Variants in EPHA5 observed in about 807,000 individuals in gnomAD.
EPHA5 encodes ephrin type-A receptor 5.
EPHA5 carries 60 observed loss-of-function variants against 105.0 expected under a neutral mutation model. The observed-to-expected ratio is 0.57, with a 90% CI of 0.46 to 0.71. The LOEUF is 0.71. Among genes scored for constraint, EPHA5 ranks in the 30% least tolerant of loss-of-function variants. The pLI, the probability that EPHA5 is intolerant of heterozygous loss-of-function variation, is 0.00. For synonymous variants in EPHA5, 513 were observed against 449.1 expected (o/e 1.14, Z -1.80); for missense variants, 1,218 against 1,274.7 (o/e 0.96, Z 0.68).
intron 5 of EPHA5, among the ~76,000 whole-genome samples, chr4:65,426,547 C>G (rs1050693085): frequency 6.6e-6 from 1 of 152,088 alleles, no homozygotes; most frequent in Non-Finnish European, 1.5e-5. Context: ...GGTACTTCTA[C>G]TGTCTTATTT....
At position 65,606,670 on chromosome 4, in the gene EPHA5, TTTTA is replaced by T. The variant is rs561153772; in HGVS notation, c.247-4370_247-4367del. Among the ~76,000 whole-genome samples the T allele has an allele frequency of 2.8e-3, 424 of 152,334 alleles. 1 individual carries two copies. The highest frequency in any genetic ancestry group is 9.3e-3 in the African/African-American group (385 of 41,580). ...TAATTGTAACTGATAACTAAGTTTA[TTTTA>T]TTTGTGAGCCTATGTTTTCAAAATA... On this transcript the variant is annotated intron_variant, in intron 2 of 16. Coordinates refer to ENST00000613740, the MANE Select transcript of EPHA5 (RefSeq NM_001281766.3).
chr4:65,391,152 T>C (rs1334517098), intron 8 of EPHA5, among the ~76,000 whole-genome samples: 2 of 152,090 alleles, frequency 1.3e-5, no homozygotes, highest in Non-Finnish European at 2.9e-5. Context: ...ACTGCCCCCA[T>C]GATTCAATTA....
chr4:65,517,830 CAA>C (rs941103223), intron 3 of EPHA5, among the ~76,000 whole-genome samples: 1 of 151,796 alleles, frequency 6.6e-6, no homozygotes, highest in Non-Finnish European at 1.5e-5. Flanking sequence ...AAAAGTTTTT[CAA>C]AGTTTAACAG....
In EPHA5 at chr4:65,365,217, G is replaced by A. The variant is rs1717750520; in HGVS notation, c.1988-15C>T. On this transcript the variant is annotated splice_polypyrimidine_tract_variant and intron_variant, in intron 10 of 16. Coordinates refer to ENST00000613740, the MANE Select transcript of EPHA5 (RefSeq NM_001281766.3). Reference sequence around the variant, plus strand: ...ACCAAATTCACCTTGTGATAAAGATGAAAAAAATGCAAAAACTCATTTGAA... The same window carrying A: ...ACCAAATTCACCTTGTGATAAAGATAAAAAAAATGCAAAAACTCATTTGAA... 3.1e-6 allele frequency: 5 copies of A among 1,600,430 alleles called. No homozygotes were observed. Among genetic ancestry groups the A allele is most frequent in the Non-Finnish European group, 4.3e-6 (5 of 1,172,646 alleles).
chr4:65,373,623 G>T (rs1157294181), intron 8 of EPHA5, among the ~76,000 whole-genome samples: 1 of 151,788 alleles, frequency 6.6e-6, no homozygotes. Context: ...TTTAATTTCT[G>T]CATTGTATGT....
chr4:65,444,392 T>A (rs1372528815), intron 5 of EPHA5, among the ~76,000 whole-genome samples: 2 of 152,166 alleles, frequency 1.3e-5, no homozygotes, highest in African/African-American at 4.8e-5. Context: ...ATTTGAATAA[T>A]CTCATTTAAT....
chr4:65,516,571 C>A (rs191837168), intron 3 of EPHA5, among the ~76,000 whole-genome samples: 2 of 151,674 alleles, frequency 1.3e-5, no homozygotes, highest in African/African-American at 2.4e-5. Flanking sequence ...TGTGGGCATG[C>A]GCGCGTGCAT....
intron 5 of EPHA5, among the ~76,000 whole-genome samples, chr4:65,473,714 T>C (rs10002114): frequency 0.094 from 14,282 of 152,064 alleles, 775 homozygotes; most frequent in East Asian, 0.2. Flanking sequence ...GGGACACAGA[T>C]CCAAACCATA....
intron 10 of EPHA5, 100 bp from the exon 11 acceptor site, chr4:65,365,302 CAAA>C: frequency 1.5e-6 from 1 of 663,256 alleles, no homozygotes. Context: ...GATGAAAAAA[CAAA>C]CAAACAAACA....
intron 14 of EPHA5, among the ~76,000 whole-genome samples, chr4:65,344,655 AC>A (rs987802897): frequency 1.3e-5 from 2 of 152,264 alleles, no homozygotes; most frequent in Admixed American, 6.5e-5. Flanking sequence ...AAATACTTTC[AC>A]AAAAATTAAA....
At chr4:65,579,702 G>C (rs1018048602) in intron 3 of EPHA5, among the ~76,000 whole-genome samples, 3 of 151,706 alleles carry the variant, frequency 2.0e-5, no homozygotes, top group African/African-American at 7.3e-5. Context: ...GAATATTCTC[G>C]TGTTTTAGAA....
In EPHA5 at chr4:65,490,436, G is replaced by C. The variant is rs755244842; in HGVS notation, c.1343C>G (p.Ser448Cys). The change falls in exon 5 of 17, where the codon TCC becomes TGC. Residue 448 changes from serine (S) to cysteine (C), a missense_variant. This residue lies in a region of EPHA5 where 971 missense variants were observed against 1,013.5 expected (regional missense o/e 0.96). Transcript: ENST00000613740. ...CTGCCGGGCTCCTGGGCTCAAGTCG[G>C]ACACTCCATTCACTGCCTCAATCTC... Reference protein sequence around the residue: ...TFEIEAVNGVSDLSPGARQYV... With the variant: ...TFEIEAVNGVCDLSPGARQYV... 6.2e-7 allele frequency: 1 copy of C among 1,614,120 alleles called. No individual in the cohort carries two copies. The highest frequency in any genetic ancestry group is 1.1e-5 in the South Asian group (1 of 91,078).
chr4:65,523,224 GA>G (rs1734931912), intron 3 of EPHA5, among the ~76,000 whole-genome samples: 1 of 151,892 alleles, frequency 6.6e-6, no homozygotes, highest in African/African-American at 2.4e-5. Context: ...CATATTGCCA[GA>G]AGCCCATGAA....
At chr4:65,331,762 AT>A in intron 16 of EPHA5, 1 of 1,234,266 alleles carries the variant, frequency 8.1e-7, no homozygotes, top group Non-Finnish European at 1.0e-6. Context: ...TGCCAATGTT[AT>A]TTGTTTGAAG....
chr4:65,457,134 G>A (rs933972410), intron 5 of EPHA5, among the ~76,000 whole-genome samples: 21 of 152,214 alleles, frequency 1.4e-4, no homozygotes, highest in Non-Finnish European at 2.4e-4. Context: ...AACATACTGC[G>A]TTAATTCCTC....
intron 3 of EPHA5, among the ~76,000 whole-genome samples, chr4:65,594,528 A>T (rs1742985340): frequency 6.6e-6 from 1 of 152,198 alleles, no homozygotes; most frequent in Non-Finnish European, 1.5e-5. Flanking sequence ...TTTATTCTAA[A>T]CTAAAAATAT....
Position 65,319,617 on chromosome 4 carries a change from AC to A in EPHA5, c.*4496del. Reference sequence around the variant, plus strand: ...GAAAAAATATAAAATTTCATATCTTACACTACAAAAAGCATGTACACAAACC... The same window carrying A: ...GAAAAAATATAAAATTTCATATCTTAACTACAAAAAGCATGTACACAAACC... On this transcript the variant is annotated 3_prime_UTR_variant, in exon 17 of 17. Transcript: ENST00000613740. The A allele has an allele frequency of 4.6e-6, 1 of 215,326 alleles. No individual in the cohort carries two copies. 13.3% of individuals were successfully genotyped at this position (215,326 alleles called of 1,614,324 possible). A position where few individuals can be genotyped will look rare whatever the true frequency, so the allele number is the denominator to read the frequency against.
intron 5 of EPHA5, among the ~76,000 whole-genome samples, chr4:65,431,570 T>C (rs982021966): frequency 2.0e-5 from 3 of 152,040 alleles, no homozygotes; most frequent in African/African-American, 7.2e-5. Flanking sequence ...AAAGTGCTAC[T>C]GGCAATTCTC....
In EPHA5 at chr4:65,420,550, G is replaced by C. The variant is rs769104997; in HGVS notation, c.1418C>G (p.Thr473Ser). ...TGCAATTTTCCCTTTTTTCACATTG[G>C]TGACTGGAGATGGAGCTGCAAAATA... ...TTNQAAPSPV[T>S]NVKKGKIAKN... Residue 473 changes from threonine (T) to serine (S), a missense_variant, in exon 6 of 17, where the codon ACC becomes AGC. Around this residue, in one of 3 missense-constraint regions of EPHA5, gnomAD observed 971 missense variants for 1,013.5 expected, o/e 0.96. Transcript: ENST00000613740. The C allele has an allele frequency of 6.8e-6, 11 of 1,612,528 alleles. No homozygotes were observed. In the East Asian group the frequency reaches 2.0e-4, roughly 30 times the overall value.
Sources: gnomAD v4.1 joint callset for allele counts (sites outside exome capture counted in the v4.1 genomes callset) on GRCh38, gnomAD v4.1.1 for gene constraint, gnomAD v4.1.1 regional missense constraint, MANE v1.5 for transcripts, NCBI Gene and HGNC (gene_info 2026-07-23, HGNC 2026-07-21) for gene names.